The following ABCA2 variants were observed in gnomAD, a reference collection of about 807,000 sequenced individuals.
ABCA2 encodes the protein ATP binding cassette subfamily A member 2.
A neutral mutation model predicts 262.8 loss-of-function variants in ABCA2; 84 were observed. The ratio of observed to expected loss-of-function variants is 0.32; its 90% CI spans 0.27 to 0.38. The LOEUF (loss-of-function observed/expected upper bound fraction) is 0.38. ABCA2 is among the 10% of genes least tolerant of loss of function. The pLI is 1.00. For synonymous variants in ABCA2, 1,696 were observed against 1,502.9 expected, an observed-to-expected ratio of 1.13 and a Z score of -2.97; for missense variants, 2,662 against 3,405.9, an observed-to-expected ratio of 0.78 and a Z score of 5.44.
chr9:137,013,021 C>G lies in ABCA2; in HGVS notation c.4848G>C (p.Leu1616=), dbSNP rs1207462935. The change falls in exon 30 of 49, where the codon CTG becomes CTC. Residue 1616 remains leucine (L), a synonymous_variant. Coordinates refer to ENST00000341511, the MANE Select transcript of ABCA2 (RefSeq NM_001606.5). The part of the protein sequence containing the change: ...DEDLQAWNVS[L]PPTAGPEMWT... Reference sequence around the variant, plus strand: ...CACTACCTGGCCCAGCGGTGGGCGGCAGGGAGACGTTCCAGGCCTGCAGGT... The same window carrying G: ...CACTACCTGGCCCAGCGGTGGGCGGGAGGGAGACGTTCCAGGCCTGCAGGT... The G allele has an allele frequency of 1.3e-6, 2 of 1,511,510 alleles. No individual in the cohort carries two copies. Among genetic ancestry groups the G allele is most frequent in the Non-Finnish European group, 1.8e-6 (2 of 1,129,232 alleles). 93.6% of individuals were successfully genotyped at this position (1,511,510 alleles called of 1,614,324 possible). A position where few individuals can be genotyped will look rare whatever the true frequency, so the allele number is the denominator to read the frequency against.
intron 13 of ABCA2, 46 bp from the exon 14 acceptor site, chr9:137,018,397 C>G: frequency 1.2e-6 from 1 of 840,978 alleles, no homozygotes; most frequent in Non-Finnish European, 1.5e-6. Flanking sequence ...GGGGCGGGAC[C>G]AAGGCGTGGT....
In ABCA2 at chr9:137,011,368, G is replaced by C; in HGVS notation, c.5799+39C>G. On this transcript the variant is annotated intron_variant, in intron 37 of 48. Coordinates refer to ENST00000341511, the MANE Select transcript of ABCA2 (RefSeq NM_001606.5). The surrounding 1 kb of genome is among the most constrained non-coding windows in gnomAD (Gnocchi z 8.8). The stretch of plus-strand genomic sequence containing the variant: ...GGCCGGGGTGAGGGGCACAGCCTCC[G>C]CAGGGTCCGCCACCCCCACCATGTC... The C allele has an allele frequency of 6.2e-7, 1 of 1,606,270 alleles. No homozygotes were observed. Among genetic ancestry groups the C allele is most frequent in the African/African-American group, 1.3e-5 (1 of 74,934 alleles).
At position 137,011,476 on chromosome 9, in the gene ABCA2, G is replaced by A. The variant is rs1290686509; in HGVS notation, c.5730C>T (p.Val1910=). The change falls in exon 37 of 49, where the codon GTC becomes GTT. Residue 1910 remains valine, a synonymous_variant. Transcript: ENST00000341511. This position sits in a 1 kb window ranked among gnomAD's most constrained non-coding sequence, Gnocchi z 8.8. Reference sequence around the variant, plus strand: ...CGGTGATGCCGATGAAGAGATTGATGACAATGAGGAACACGTAGGCGGAGC... The same window carrying A: ...CGGTGATGCCGATGAAGAGATTGATAACAATGAGGAACACGTAGGCGGAGC... ...VPSSAYVFLI[V]INLFIGITAT... 1.9e-6 allele frequency: 3 copies of A among 1,609,968 alleles called. No homozygotes were observed. The highest frequency in any genetic ancestry group is 2.7e-5 in the African/African-American group (2 of 74,892).
At position 137,022,714 on chromosome 9, in the gene ABCA2, C is replaced by T; in HGVS notation, c.427G>A (p.Asp143Asn). The change falls in exon 5 of 49, where the codon GAC (aspartate) becomes AAC (asparagine). Residue 143 changes from aspartate to asparagine, a missense_variant. Asp to Asn is a conservative substitution (Grantham distance 23). Around this residue, in one of 12 missense-constraint regions of ABCA2, gnomAD observed 403 missense variants for 375.9 expected, o/e 1.07. Coordinates refer to ENST00000341511, the MANE Select transcript of ABCA2 (RefSeq NM_001606.5). ...GCACAGGGCACACCTGTGGATCTGT[C>T]CAGGTGGCTCCCCGAGGTGCCCGGG... ...AGPGTSGSHL[D>N]RSTVSSFSLD... The T allele has an allele frequency of 6.2e-7, 1 of 1,605,830 alleles. No individual in the cohort carries two copies. The highest frequency in any genetic ancestry group is 8.5e-7 in the Non-Finnish European group (1 of 1,178,316).
intron 1 of ABCA2, among the ~76,000 whole-genome samples, chr9:137,025,409 G>A (rs1831621667): frequency 6.6e-6 from 1 of 152,212 alleles, no homozygotes; most frequent in Non-Finnish European, 1.5e-5. Flanking sequence ...ACCCAGCTCG[G>A]AGGCATCCTT....
In ABCA2 at chr9:137,009,851, G is replaced by T; in HGVS notation, c.6548C>A (p.Pro2183Gln). 6.2e-7 allele frequency: 1 copy of T among 1,612,400 alleles called. No individual in the cohort carries two copies. Among genetic ancestry groups the T allele is most frequent in the Non-Finnish European group, 8.5e-7 (1 of 1,179,728 alleles). Residue 2183 changes from proline (P) to glutamine (Q), a missense_variant, in exon 43 of 49, where the codon CCG (proline) becomes CAG (glutamine). Coordinates refer to ENST00000341511, the MANE Select transcript of ABCA2 (RefSeq NM_001606.5). ...GTTGCCGCCGCTGTAGGTGCCAGCC[G>T]GCTTGTCTGCGTACTTGGTCAGCTC... ...KLELTKYADKPAGTYSGGNKR... is the reference protein window; with the variant it reads ...KLELTKYADKQAGTYSGGNKR...
At chr9:137,025,247 C>T (rs536608258) in intron 1 of ABCA2, among the ~76,000 whole-genome samples, 2 of 152,266 alleles carry the variant, frequency 1.3e-5, no homozygotes, top group East Asian at 1.9e-4. Flanking sequence ...CACCTGAAAA[C>T]CAAGGACTTT....
rs938686761 is a variant in ABCA2, at chr9:137,015,321, C to T, written c.3697+93G>A. The T allele has an allele frequency of 3.7e-5, 52 of 1,405,414 alleles. No individual in the cohort carries two copies. In the African/African-American group the frequency reaches 4.1e-4, roughly 11 times the overall value. The allele number at this position is 1,405,414 out of a possible 1,614,324, so 87.1% of individuals were successfully genotyped here. On this transcript the variant is annotated intron_variant, in intron 24 of 48. Coordinates refer to ENST00000341511, the MANE Select transcript of ABCA2 (RefSeq NM_001606.5). ...CAGGCATCCTGGGCCCAGCGGGTGA[C>T]GGTGAGGGCCCAGCCTCTCCATTGT...
In ABCA2 at chr9:137,022,015, G is replaced by A; in HGVS notation, c.568-14C>T. On this transcript the variant is annotated splice_polypyrimidine_tract_variant and intron_variant, in intron 6 of 48. Coordinates refer to ENST00000341511, the MANE Select transcript of ABCA2 (RefSeq NM_001606.5). ...CAGGTGGTAGACCTAGGAGGTGTGG[G>A]GGAATGGCTCAGATGGGGTGTGGGG... 3 of 1,566,528 alleles carry A rather than the reference G, an allele frequency of 1.9e-6. No individual in the cohort carries two copies. Among genetic ancestry groups the A allele is most frequent in the South Asian group, 1.2e-5 (1 of 85,880 alleles).
chr9:137,010,064 C>T lies in ABCA2; in HGVS notation c.6414G>A (p.Ala2138=), dbSNP rs758812632. The change falls in exon 42 of 49, where the codon GCG becomes GCA. Residue 2138 remains alanine, a synonymous_variant. Transcript: ENST00000341511. ...CCCGGGCCGTGAGCTCGTCGAACAG[C>T]GCGTCACACTGCGGGCAGTAGCCGA... ...QSLGYCPQCD[A]LFDELTAREH... 41 of 1,600,880 alleles carry T rather than the reference C, an allele frequency of 2.6e-5. No individual in the cohort carries two copies. The highest frequency in any genetic ancestry group is 1.0e-4 in the Admixed American group (6 of 59,400).
intron 13 of ABCA2, 80 bp downstream of exon 13, chr9:137,018,639 G>C: frequency 5.8e-6 from 7 of 1,216,252 alleles, no homozygotes; most frequent in Non-Finnish European, 7.9e-6. Flanking sequence ...GGAGTGGGAG[G>C]GCACAGGGGG....
At chr9:137,020,162 A>AGCCC (rs57173284) in intron 10 of ABCA2, 174 bp downstream of exon 10, 69,376 of 825,522 alleles carry the variant, frequency 0.084, 3,628 homozygotes, top group African/African-American at 0.2. Flanking sequence ...GGAGCTCCCG[A>AGCCC]AAGGAAAAGC....
chr9:137,010,581 T>TTGC, intron 40 of ABCA2, 39 bp downstream of exon 40: 3 of 1,185,752 alleles, frequency 2.5e-6, no homozygotes, highest in East Asian at 3.1e-5. Flanking sequence ...GGCCCTGGCC[T>TTGC]ACCCCACCCA....
chr9:137,018,620 C>T (rs1356230999), intron 13 of ABCA2, 99 bp downstream of exon 13: 25 of 975,718 alleles, frequency 2.6e-5, no homozygotes, highest in East Asian at 2.9e-5. Context: ...AAGGCCAGGG[C>T]GCGGCCAAGG....
At position 137,014,899 on chromosome 9, in the gene ABCA2, G is replaced by A. The variant is rs754737902; in HGVS notation, c.3882+14C>T. The A allele has an allele frequency of 1.5e-5, 24 of 1,577,158 alleles. No homozygotes were observed. Among genetic ancestry groups the A allele is most frequent in the African/African-American group, 6.7e-5 (5 of 74,406 alleles). Reference sequence around the variant, plus strand: ...ACCACCTGCAACTGCCCCCCGACCCGTGCGCCCTCACACCTGGAAGAGGCG... The same window carrying A: ...ACCACCTGCAACTGCCCCCCGACCCATGCGCCCTCACACCTGGAAGAGGCG... On this transcript the variant is annotated intron_variant, in intron 25 of 48. Transcript: ENST00000341511.
intron 1 of ABCA2, chr9:137,027,443 G>C (rs1284132188): frequency 6.5e-6 from 1 of 152,844 alleles, no homozygotes; most frequent in Non-Finnish European, 1.5e-5. Context: ...TCAGGCTCGG[G>C]GAGAACTGAC....
Position 137,022,826 on chromosome 9 carries a change from C to A in ABCA2, c.315G>T (p.Glu105Asp). 6.3e-7 allele frequency: 1 copy of A among 1,589,602 alleles called. No homozygotes were observed. Among genetic ancestry groups the A allele is most frequent in the Non-Finnish European group, 8.6e-7 (1 of 1,169,094 alleles). Residue 105 changes from glutamate to aspartate, a missense_variant, in exon 5 of 49, where the codon GAG becomes GAT. This residue lies in a region of ABCA2 where 101 missense variants were observed against 152.3 expected (regional missense o/e 0.66). Transcript: ENST00000341511. ...GCGCTGGGTCAAACAGGTTGCCTTC[C>A]TCCACCACGCGGTCCAGGCGCTCAA... ...QLLERLDRVV[E>D]EGNLFDPARP...
Position 137,016,618 on chromosome 9 carries a change from A to G in ABCA2, c.2879T>C (p.Val960Ala). 2 of 1,611,978 alleles carry G rather than the reference A, an allele frequency of 1.2e-6. No individual in the cohort carries two copies. The highest frequency in any genetic ancestry group is 1.7e-6 in the Non-Finnish European group (2 of 1,179,786). The change falls in exon 20 of 49, where the codon GTC (valine) becomes GCC (alanine). Residue 960 changes from valine (V) to alanine (A), a missense_variant. By Grantham distance (64) the Val-to-Ala change is moderately conservative. Transcript: ENST00000341511. Reference sequence around the variant, plus strand: ...GGCACAGGCCTGGTCCTCCTCCATGACACTGAGGCGGGGGGTGCGTGCCCA... The same window carrying G: ...GGCACAGGCCTGGTCCTCCTCCATGGCACTGAGGCGGGGGGTGCGTGCCCA... ...WPWARTPRLS[V>A]MEEDQACAME...
Position 137,015,977 on chromosome 9 carries a change from C to G in ABCA2, c.3302G>C (p.Arg1101Pro). 1.6e-6 allele frequency: 2 copies of G among 1,275,296 alleles called. No homozygotes were observed. Among genetic ancestry groups the G allele is most frequent in the Non-Finnish European group, 2.1e-6 (2 of 936,420 alleles). 79.0% of individuals were successfully genotyped at this position (1,275,296 alleles called of 1,614,324 possible). A position where few individuals can be genotyped will look rare whatever the true frequency, so the allele number is the denominator to read the frequency against. The change falls in exon 22 of 49, where the codon CGC becomes CCC. Residue 1101 changes from arginine (R) to proline (P), a missense_variant. By Grantham distance (103) the Arg-to-Pro change is moderately radical (BLOSUM62 -2). Transcript: ENST00000341511. The part of the protein sequence containing the change: ...RLKSMAQEEI[R>P]REMDKMIEDL... ...GCCCACCCACTTGTCCATCTCTCTGCGGATCTCCTCCTGAGCCATGCTCTT... is the reference window on the plus strand; with the variant it reads ...GCCCACCCACTTGTCCATCTCTCTGGGGATCTCCTCCTGAGCCATGCTCTT...
Sources: gnomAD v4.1 joint callset for allele counts (sites outside exome capture counted in the v4.1 genomes callset) on GRCh38, gnomAD v4.1.1 for gene constraint, gnomAD v4.1.1 regional missense constraint, Gnocchi (gnomAD v3.1) non-coding constraint, MANE v1.5 for transcripts, NCBI Gene and HGNC (gene_info 2026-07-23, HGNC 2026-07-21) for gene names.